Variants in RFX7 observed in about 807,000 individuals in gnomAD.
RFX7 encodes DNA-binding protein RFX7.
RFX7 carries 26 observed loss-of-function variants against 111.8 expected under a neutral mutation model. That is an observed-to-expected ratio of 0.23 (90% CI 0.17 to 0.32). The LOEUF is 0.32. Among genes scored for constraint, RFX7 ranks in the 10% least tolerant of loss-of-function variants. RFX7 has a pLI of 1.00. For synonymous variants in RFX7, 624 were observed against 624.4 expected (o/e 1.00, Z 0.01); for missense variants, 1,573 against 1,772.9 (o/e 0.89, Z 2.02).
chr15:56,108,787 T>C lies in RFX7; in HGVS notation c.402-5117A>G, dbSNP rs574415860. Among the ~76,000 whole-genome samples, 4 of 152,154 alleles carry C rather than the reference T, an allele frequency of 2.6e-5. No homozygotes were observed. In the South Asian group the frequency reaches 8.3e-4, roughly 32 times the overall value. ...TGTCTGTAGACAACATGATCCTATA[T>C]TTAGAAAACCCTATTGTCTCAGCCC... On this transcript the variant is annotated intron_variant, in intron 5 of 9. Transcript: ENST00000559447.
At chr15:56,233,363 G>C (rs12440509) in intron 2 of RFX7, among the ~76,000 whole-genome samples, 10,082 of 152,164 alleles carry the variant, frequency 0.066, 453 homozygotes, top group Admixed American at 0.11. Context: ...CAGTATGGGG[G>C]AAAACTGCCC....
Position 56,094,813 on chromosome 15 carries a change from G to T in RFX7, c.2915C>A (p.Ser972Tyr). 3 of 1,586,452 alleles carry T rather than the reference G, an allele frequency of 1.9e-6. No homozygotes were observed. Among genetic ancestry groups the T allele is most frequent in the Non-Finnish European group, 2.6e-6 (3 of 1,165,710 alleles). Residue 972 changes from serine to tyrosine, a missense_variant, in exon 10 of 10, where the codon TCT (serine) becomes TAT (tyrosine). By Grantham distance (144) the Ser-to-Tyr change is moderately radical. Around this residue, in one of 7 missense-constraint regions of RFX7, gnomAD observed 625 missense variants for 632.2 expected, o/e 0.99. Coordinates refer to ENST00000559447, the MANE Select transcript of RFX7 (RefSeq NM_022841.7). ...PTPTSEMIAG[S>Y]QSLSRESPCS... is the part of the protein sequence containing the mutation. ...AGGGCTCTCCCGTGACAGACTCTGAGATCCAGCAATCATTTCAGATGTCGG... is the reference window on the plus strand; with the variant it reads ...AGGGCTCTCCCGTGACAGACTCTGATATCCAGCAATCATTTCAGATGTCGG...
At chr15:56,212,410 TATG>T (rs1172234630) in intron 2 of RFX7, among the ~76,000 whole-genome samples, 2 of 152,174 alleles carry the variant, frequency 1.3e-5, no homozygotes, top group Non-Finnish European at 2.9e-5. Context: ...GCCTACTCTT[TATG>T]ATACTTTAAT....
In RFX7 at chr15:56,091,675, A is replaced by G. The variant is rs1455179480; in HGVS notation, c.*1670T>C. 6.6e-6 allele frequency: 1 copy of G among 152,392 alleles called. No homozygotes were observed. Among genetic ancestry groups the G allele is most frequent in the African/African-American group, 2.4e-5 (1 of 41,452 alleles). 9.4% of individuals were successfully genotyped at this position (152,392 alleles called of 1,614,324 possible). The stretch of plus-strand genomic sequence containing the variant: ...AATGTACAGTGAAGAAATAACTAGC[A>G]TCAAGAAAAAAATACCTAACAAATC... On this transcript the variant is annotated 3_prime_UTR_variant, in exon 10 of 10. Transcript: ENST00000559447.
chr15:56,096,506 C>T lies in RFX7; in HGVS notation c.1222G>A (p.Ala408Thr), dbSNP rs759841128. The change falls in exon 10 of 10, where the codon GCA becomes ACA. Residue 408 changes from alanine to threonine, a missense_variant. Coordinates refer to ENST00000559447, the MANE Select transcript of RFX7 (RefSeq NM_022841.7). ...VTQHMQSVKQ[A>T]PKTPQNVPAS... ...GGAACGTTCTGGGGAGTCTTTGGTG[C>T]CTGTTTCACAGACTGCATGTGCTGA... The T allele has an allele frequency of 6.2e-7, 1 of 1,604,252 alleles. No homozygotes were observed. Among genetic ancestry groups the T allele is most frequent in the Admixed American group, 1.7e-5 (1 of 58,150 alleles).
chr15:56,232,296 G>A (rs760124643), intron 2 of RFX7, among the ~76,000 whole-genome samples: 1 of 152,196 alleles, frequency 6.6e-6, no homozygotes, highest in South Asian at 2.1e-4. Flanking sequence ...ACATCCAGCT[G>A]TTTCCATACA....
intron 2 of RFX7, among the ~76,000 whole-genome samples, chr15:56,232,446 T>C (rs998257867): frequency 1.3e-5 from 2 of 152,160 alleles, no homozygotes; most frequent in Admixed American, 6.5e-5. Context: ...CCTAGGCCGC[T>C]GGGTCTGTGA....
chr15:56,102,370 C>T (rs1362623201), intron 6 of RFX7, 117 bp from the exon 7 acceptor site: 8 of 558,916 alleles, frequency 1.4e-5, no homozygotes, highest in South Asian at 3.2e-5. Flanking sequence ...ATAACATCTA[C>T]TTTCTGAATT....
Position 56,096,159 on chromosome 15 carries a change from C to T in RFX7, c.1569G>A (p.Gly523=). The T allele has an allele frequency of 6.2e-7, 1 of 1,613,898 alleles. No homozygotes were observed. The highest frequency in any genetic ancestry group is 8.5e-7 in the Non-Finnish European group (1 of 1,179,872). The change falls in exon 10 of 10, where the codon GGG becomes GGA. Residue 523 remains glycine (G), a synonymous_variant. Coordinates refer to ENST00000559447, the MANE Select transcript of RFX7 (RefSeq NM_022841.7). ...NGSVVSLQSP[G]SRSSSAGGTS... ...TTCCCCCCGCACTGCTGCTCCTGGA[C>T]CCAGGAGACTGAAGCGACACGACAG...
intron 2 of RFX7, among the ~76,000 whole-genome samples, chr15:56,231,774 T>C (rs572856971): frequency 6.6e-6 from 1 of 152,284 alleles, no homozygotes; most frequent in South Asian, 2.1e-4. Context: ...CCCTTCCACC[T>C]ATGAGCCTGT....
intron 3 of RFX7, among the ~76,000 whole-genome samples, chr15:56,146,566 T>C (rs1039736338): frequency 3.3e-5 from 5 of 152,134 alleles, no homozygotes; most frequent in South Asian, 2.1e-4. Context: ...TTGGATTCTA[T>C]ATAGCTTTCA....
chr15:56,149,000 G>A (rs2042526040), intron 3 of RFX7, among the ~76,000 whole-genome samples: 1 of 151,496 alleles, frequency 6.6e-6, no homozygotes, highest in East Asian at 2.0e-4. Flanking sequence ...GGAGAATGGT[G>A]TGAACCCGGA....
intron 2 of RFX7, among the ~76,000 whole-genome samples, chr15:56,203,598 A>G (rs1466931458): frequency 2.0e-5 from 3 of 152,170 alleles, no homozygotes; most frequent in Non-Finnish European, 4.4e-5. Flanking sequence ...TCAGCACAAG[A>G]TACAGGTCAT....
intron 2 of RFX7, among the ~76,000 whole-genome samples, chr15:56,200,545 A>G (rs2043184152): frequency 6.6e-6 from 1 of 152,132 alleles, no homozygotes; most frequent in Non-Finnish European, 1.5e-5. Context: ...AAAGTGCTGT[A>G]ATCCCAGCAC....
chr15:56,113,805 A>T (rs1442916227), intron 5 of RFX7, among the ~76,000 whole-genome samples: 1 of 152,190 alleles, frequency 6.6e-6, no homozygotes, highest in Non-Finnish European at 1.5e-5. Flanking sequence ...ACCTAGACCC[A>T]TAATGTTATT....
chr15:56,243,040 G>GCGGCCCC, intron 2 of RFX7, 85 bp downstream of exon 2: 3 of 570,712 alleles, frequency 5.3e-6, no homozygotes, highest in Non-Finnish European at 9.3e-6. Context: ...CTCCTCCTCC[G>GCGGCCCC]CTCCCCCCGC....
intron 5 of RFX7, among the ~76,000 whole-genome samples, chr15:56,109,315 CG>C (rs2041876419): frequency 6.6e-6 from 1 of 152,238 alleles, no homozygotes; most frequent in Non-Finnish European, 1.5e-5. Flanking sequence ...CCCGAGGTGC[CG>C]GGATTGCAGA....
chr15:56,118,810 C>T (rs2042040502), intron 5 of RFX7, among the ~76,000 whole-genome samples: 1 of 152,182 alleles, frequency 6.6e-6, no homozygotes, highest in Admixed American at 6.5e-5. Flanking sequence ...ATATTCCCAC[C>T]AACAGTGTAT....
At chr15:56,173,046 C>G in intron 3 of RFX7, among the ~76,000 whole-genome samples, 1 of 152,084 alleles carries the variant, frequency 6.6e-6, no homozygotes, top group South Asian at 2.1e-4. Context: ...ACTTGACTGT[C>G]GTGCAGAAAG....
Sources: allele counts gnomAD v4.1 joint callset (sites outside exome capture counted in the v4.1 genomes callset), GRCh38; gene constraint gnomAD v4.1.1; regional missense constraint gnomAD v4.1.1; transcripts MANE v1.5; gene names NCBI Gene and HGNC (gene_info 2026-07-23, HGNC 2026-07-21).